The following ZNF609 variants were observed in gnomAD, a reference collection of about 807,000 sequenced individuals.
The protein encoded by ZNF609 is zinc finger protein 609.
A neutral mutation model predicts 109.5 loss-of-function variants in ZNF609; 11 were observed. The observed-to-expected ratio is 0.10, with a 90% CI of 0.06 to 0.17. The LOEUF is 0.17. Ranked by LOEUF, ZNF609 falls within the 10% of genes least tolerant of loss-of-function variation. ZNF609 has a pLI of 1.00. For synonymous variants in ZNF609, 646 were observed against 662.0 expected (o/e 0.98, Z 0.37); for missense variants, 1,559 against 1,772.4 (o/e 0.88, Z 2.16).
intron 2 of ZNF609, among the ~76,000 whole-genome samples, chr15:64,614,148 T>C (rs1895761437): frequency 6.6e-6 from 1 of 151,662 alleles, no homozygotes; most frequent in Non-Finnish European, 1.5e-5. Context: ...CTCGAACTCC[T>C]GGCCTCAAGT....
chr15:64,574,095 T>A (rs946989347), intron 2 of ZNF609, among the ~76,000 whole-genome samples: 2 of 151,684 alleles, frequency 1.3e-5, no homozygotes, highest in African/African-American at 4.8e-5. Context: ...GGGGCCCCTG[T>A]TCACTGAGGG....
intron 2 of ZNF609, among the ~76,000 whole-genome samples, chr15:64,572,983 C>T (rs1223412076): frequency 6.6e-6 from 1 of 152,216 alleles, no homozygotes; most frequent in Non-Finnish European, 1.5e-5. Flanking sequence ...GCTAGAAAAG[C>T]ATGGACCTAG....
chr15:64,597,623 G>A lies in ZNF609; in HGVS notation c.748-25204G>A, dbSNP rs556902836. Among the ~76,000 whole-genome samples, 4 of 152,336 alleles carry A rather than the reference G, an allele frequency of 2.6e-5. No homozygotes were observed. The South Asian group carries it at 8.3e-4, about 32-fold the overall frequency. On this transcript the variant is annotated intron_variant, in intron 2 of 9. Transcript: ENST00000326648. ...CAGATAGGATTCTGGTTGCCACAGAGAGGGGTTTGATATTGTTGTTTATTT... is the reference window on the plus strand; with the variant it reads ...CAGATAGGATTCTGGTTGCCACAGAAAGGGGTTTGATATTGTTGTTTATTT...
At chr15:64,671,295 GGACCAATACAGAGAAGATTA>G (rs1381377637) in intron 4 of ZNF609, 1 of 151,662 alleles carries the variant, frequency 6.6e-6, no homozygotes, top group African/African-American at 2.4e-5. Flanking sequence ...TACTAAAATT[GGACCAATACAGAGAAGATTA>G]GCATGGCCCC....
chr15:64,644,186 T>TA (rs1896299175), intron 3 of ZNF609, among the ~76,000 whole-genome samples: 1 of 152,056 alleles, frequency 6.6e-6, no homozygotes, highest in South Asian at 2.1e-4. Flanking sequence ...AAATTTTTTT[T>TA]AAAAAGAGGA....
At chr15:64,598,319 T>C (rs1225835970) in intron 2 of ZNF609, among the ~76,000 whole-genome samples, 1 of 152,120 alleles carries the variant, frequency 6.6e-6, no homozygotes, top group African/African-American at 2.4e-5. Flanking sequence ...TTTCACCATG[T>C]TGTCCATGCT....
At chr15:64,528,245 G>A (rs903160185) in intron 2 of ZNF609, among the ~76,000 whole-genome samples, 5 of 151,606 alleles carry the variant, frequency 3.3e-5, no homozygotes, top group African/African-American at 7.3e-5. Flanking sequence ...CTACAGGTGC[G>A]TGCCACCACG....
Position 64,537,564 on chromosome 15 carries a change from AAG to A in ZNF609, c.747+37400_747+37401del, listed in dbSNP as rs1185504893. ...TGAGACTCCATCAAAAAAAAGAAAA[AAG>A]AAAAAAAATACTAGAGCTGTATTAC... On this transcript the variant is annotated intron_variant, in intron 2 of 9. Transcript: ENST00000326648. Among the ~76,000 whole-genome samples, 12 of 152,242 alleles carry A rather than the reference AAG, an allele frequency of 7.9e-5. No individual in the cohort carries two copies. The East Asian group carries it at 1.5e-3, about 20-fold the overall frequency.
chr15:64,644,482 C>A (rs1052850474), intron 3 of ZNF609, among the ~76,000 whole-genome samples: 22 of 152,174 alleles, frequency 1.4e-4, no homozygotes, highest in African/African-American at 5.3e-4. Context: ...GAGTGAGACC[C>A]TGTGTCAATA....
intron 3 of ZNF609, among the ~76,000 whole-genome samples, chr15:64,669,495 G>A (rs1271078700): frequency 6.6e-6 from 1 of 152,234 alleles, no homozygotes; most frequent in East Asian, 1.9e-4. Context: ...AATATCTGTG[G>A]AAGACTTTTG....
At chr15:64,619,584 C>T (rs914096043) in intron 2 of ZNF609, among the ~76,000 whole-genome samples, 7 of 152,288 alleles carry the variant, frequency 4.6e-5, no homozygotes, top group East Asian at 1.9e-4. Flanking sequence ...AGGTGGATTT[C>T]GTCGCTTCTC....
At chr15:64,566,103 A>G (rs1595720527) in intron 2 of ZNF609, among the ~76,000 whole-genome samples, 1 of 151,920 alleles carries the variant, frequency 6.6e-6, no homozygotes, top group Non-Finnish European at 1.5e-5. Context: ...TCCCGCCTCA[A>G]CCTCCCAAAG....
At chr15:64,498,480 T>C (rs1893514455) in intron 1 of ZNF609, among the ~76,000 whole-genome samples, 1 of 152,244 alleles carries the variant, frequency 6.6e-6, no homozygotes, top group Non-Finnish European at 1.5e-5. Context: ...AGAGTTATTC[T>C]ACATCCTGGT....
At chr15:64,642,789 G>A (rs779150383) in intron 3 of ZNF609, among the ~76,000 whole-genome samples, 8 of 152,042 alleles carry the variant, frequency 5.3e-5, no homozygotes, top group Non-Finnish European at 8.8e-5. Context: ...GCAAGACCCT[G>A]TCTCAAAAAA....
At chr15:64,609,122 T>TTC in intron 2 of ZNF609, among the ~76,000 whole-genome samples, 1 of 26,944 alleles carries the variant, frequency 3.7e-5, no homozygotes, top group Non-Finnish European at 1.7e-4. Flanking sequence ...CTTTCTTTCT[T>TTC]TCTTTCTTTT....
chr15:64,490,870 T>A (rs1893403573), intron 1 of ZNF609, among the ~76,000 whole-genome samples: 1 of 152,192 alleles, frequency 6.6e-6, no homozygotes, highest in African/African-American at 2.4e-5. Context: ...AGGTCAAGCC[T>A]TGTAATCTTT....
At chr15:64,471,931 G>T (rs555650443) in intron 1 of ZNF609, among the ~76,000 whole-genome samples, 48 of 151,414 alleles carry the variant, frequency 3.2e-4, no homozygotes, top group African/African-American at 1.1e-3. Flanking sequence ...GTTTGTTTGA[G>T]ATGGAGTCTT....
chr15:64,490,250 C>G (rs1229498580), intron 1 of ZNF609, among the ~76,000 whole-genome samples: 1 of 148,624 alleles, frequency 6.7e-6, no homozygotes, highest in Admixed American at 6.8e-5. Flanking sequence ...AAGGCATAAG[C>G]CACTGCACCC....
At chr15:64,588,952 C>T (rs905849700) in intron 2 of ZNF609, among the ~76,000 whole-genome samples, 1 of 152,114 alleles carries the variant, frequency 6.6e-6, no homozygotes, top group African/African-American at 2.4e-5. Flanking sequence ...CTGTGGCCCT[C>T]AGTCTTAATA....
Sources: gnomAD v4.1 joint callset for allele counts (sites outside exome capture counted in the v4.1 genomes callset) on GRCh38, gnomAD v4.1.1 for gene constraint, MANE v1.5 for transcripts, NCBI Gene and HGNC (gene_info 2026-07-23, HGNC 2026-07-21) for gene names.